The following TBC1D22A variants were observed in gnomAD, a reference collection of about 807,000 sequenced individuals.
TBC1D22A encodes putative GTPase activator.
In TBC1D22A, 38 loss-of-function variants were observed where a neutral mutation model predicts 60.2. The ratio of observed to expected loss-of-function variants is 0.63; its 90% CI spans 0.49 to 0.83. TBC1D22A has a LOEUF of 0.83. Among genes scored for constraint, TBC1D22A ranks in the 40% least tolerant of loss-of-function variants. The pLI, the probability that TBC1D22A is intolerant of heterozygous loss-of-function variation, is 0.00. For synonymous variants in TBC1D22A, 302 were observed against 281.7 expected (o/e 1.07, Z -0.72); for missense variants, 628 against 701.0 (o/e 0.90, Z 1.18).
At chr22:47,092,753 G>T (rs73888868) in intron 11 of TBC1D22A, among the ~76,000 whole-genome samples, 1,604 of 152,296 alleles carry the variant, frequency 0.011, 32 homozygotes, top group African/African-American at 0.036. Context: ...AGAGAGTTGA[G>T]GCTTTGACGT....
chr22:47,042,039 A>G (rs982646937), intron 11 of TBC1D22A, among the ~76,000 whole-genome samples: 11 of 152,258 alleles, frequency 7.2e-5, no homozygotes, highest in African/African-American at 2.4e-5. Context: ...TGCTGTTCAC[A>G]TTCTGGGCTT....
chr22:46,828,787 A>G (rs1443763409), intron 4 of TBC1D22A, among the ~76,000 whole-genome samples: 1 of 152,164 alleles, frequency 6.6e-6, no homozygotes, highest in Non-Finnish European at 1.5e-5. Flanking sequence ...CTCTAGCCAC[A>G]TGGGCTCATC....
chr22:47,116,432 G>C (rs918640088), intron 12 of TBC1D22A: 1 of 152,296 alleles, frequency 6.6e-6, no homozygotes, highest in Non-Finnish European at 1.5e-5. Flanking sequence ...GTAAATGTCT[G>C]ATCAGTGAGT....
chr22:46,961,174 C>CT (rs1292510275), intron 8 of TBC1D22A, among the ~76,000 whole-genome samples: 3 of 152,090 alleles, frequency 2.0e-5, no homozygotes, highest in Non-Finnish European at 4.4e-5. Context: ...ATATTGAACT[C>CT]TAATTTCTAG....
chr22:47,078,043 GGTC>G (rs1280494804), intron 11 of TBC1D22A, among the ~76,000 whole-genome samples: 2 of 152,152 alleles, frequency 1.3e-5, no homozygotes, highest in Non-Finnish European at 2.9e-5. Flanking sequence ...TACAGAACTT[GGTC>G]ATACATGCCC....
At chr22:46,981,134 A>G (rs890100244) in intron 9 of TBC1D22A, among the ~76,000 whole-genome samples, 7 of 152,230 alleles carry the variant, frequency 4.6e-5, no homozygotes, top group Admixed American at 1.3e-4. Context: ...GGCAGAAAGC[A>G]TTCCTAGAGA....
intron 8 of TBC1D22A, among the ~76,000 whole-genome samples, chr22:46,924,228 C>T (rs1249270281): frequency 2.0e-5 from 3 of 152,148 alleles, no homozygotes; most frequent in African/African-American, 4.8e-5. Flanking sequence ...GGCTGGATGT[C>T]TTGACTGAGT....
chr22:46,983,733 G>A (rs1239043702), intron 9 of TBC1D22A, among the ~76,000 whole-genome samples: 1 of 149,870 alleles, frequency 6.7e-6, no homozygotes, highest in African/African-American at 2.5e-5. Context: ...TTTCTACCAA[G>A]TGCACTATGA....
intron 8 of TBC1D22A, among the ~76,000 whole-genome samples, chr22:46,919,339 C>T (rs746194135): frequency 6.6e-6 from 1 of 152,194 alleles, no homozygotes; most frequent in African/African-American, 2.4e-5. Context: ...TCAGTACTTC[C>T]TTCATTCCGT....
chr22:46,917,068 T>C (rs1398510576), intron 8 of TBC1D22A, among the ~76,000 whole-genome samples: 1 of 152,098 alleles, frequency 6.6e-6, no homozygotes, highest in Non-Finnish European at 1.5e-5. Context: ...CCTTGACCCA[T>C]GGGGCGGGCA....
intron 4 of TBC1D22A, among the ~76,000 whole-genome samples, chr22:46,868,256 T>G (rs540026846): frequency 6.6e-6 from 1 of 152,324 alleles, no homozygotes; most frequent in South Asian, 2.1e-4. Context: ...AACCACAGAT[T>G]GTCCTCACGA....
At chr22:46,996,494 A>G (rs2075126845) in intron 9 of TBC1D22A, among the ~76,000 whole-genome samples, 1 of 152,216 alleles carries the variant, frequency 6.6e-6, no homozygotes. Flanking sequence ...TAGCAACCTT[A>G]GTTCCACCTG....
At chr22:46,955,829 G>A (rs1426287093) in intron 8 of TBC1D22A, among the ~76,000 whole-genome samples, 1 of 152,188 alleles carries the variant, frequency 6.6e-6, no homozygotes, top group Admixed American at 6.5e-5. Context: ...GCTGGCCACT[G>A]AACAGCCCAG....
intron 11 of TBC1D22A, among the ~76,000 whole-genome samples, chr22:47,065,512 G>A (rs2063720756): frequency 9.3e-6 from 1 of 107,372 alleles, no homozygotes; most frequent in Admixed American, 1.0e-4. Flanking sequence ...CTTCTGTTGG[G>A]GGGCAGGCCT....
At chr22:46,888,101 C>T (rs1270258422) in intron 5 of TBC1D22A, among the ~76,000 whole-genome samples, 1 of 152,250 alleles carries the variant, frequency 6.6e-6, no homozygotes, top group Non-Finnish European at 1.5e-5. Flanking sequence ...CAACTCCACA[C>T]TGTGCGCGTT....
chr22:46,928,377 G>C lies in TBC1D22A; in HGVS notation c.1015+16189G>C, dbSNP rs1209718033. Among the ~76,000 whole-genome samples the C allele has an allele frequency of 2.0e-5, 3 of 152,192 alleles. No individual in the cohort carries two copies. The East Asian group carries it at 5.8e-4, about 29-fold the overall frequency. ...TGGGACGGTTATTAGACATTGAAATGCAAAAAGATGAAGTTCCACTCCTGC... is the reference window on the plus strand; with the variant it reads ...TGGGACGGTTATTAGACATTGAAATCCAAAAAGATGAAGTTCCACTCCTGC... On this transcript the variant is annotated intron_variant, in intron 8 of 12. Coordinates refer to ENST00000337137, the MANE Select transcript of TBC1D22A (RefSeq NM_014346.5).
At chr22:46,938,299 C>T (rs1051424757) in intron 8 of TBC1D22A, among the ~76,000 whole-genome samples, 7 of 152,110 alleles carry the variant, frequency 4.6e-5, no homozygotes, top group African/African-American at 7.2e-5. Context: ...TTCATTTGCC[C>T]GCAGTATTCA....
At chr22:47,083,905 G>A (rs896592579) in intron 11 of TBC1D22A, among the ~76,000 whole-genome samples, 1 of 152,196 alleles carries the variant, frequency 6.6e-6, no homozygotes, top group African/African-American at 2.4e-5. Flanking sequence ...GTGTAGCGCA[G>A]CCAGAAGCCC....
intron 4 of TBC1D22A, among the ~76,000 whole-genome samples, chr22:46,805,611 C>T (rs2085092691): frequency 6.6e-6 from 1 of 152,154 alleles, no homozygotes; most frequent in South Asian, 2.1e-4. Context: ...CAGAGCCAGG[C>T]CACATGGCCA....
Sources: allele counts gnomAD v4.1 joint callset (sites outside exome capture counted in the v4.1 genomes callset), GRCh38; gene constraint gnomAD v4.1.1; transcripts MANE v1.5; gene names NCBI Gene and HGNC (gene_info 2026-07-23, HGNC 2026-07-21).